Variants in TUB observed in about 807,000 individuals in gnomAD.
TUB encodes tubby protein homolog.
In TUB, 33 loss-of-function variants were observed where a neutral mutation model predicts 59.7. That is an observed-to-expected ratio of 0.55 (90% CI 0.42 to 0.74). The LOEUF is 0.74. Ranked by LOEUF, TUB falls within the 30% of genes least tolerant of loss-of-function variation. TUB has a pLI of 0.00. For synonymous variants in TUB, 293 were observed against 256.4 expected, an observed-to-expected ratio of 1.14 and a Z score of -1.36; for missense variants, 659 against 672.0, an observed-to-expected ratio of 0.98 and a Z score of 0.21.
chr11:8,095,875 T>G (rs529462528), intron 5 of TUB, among the ~76,000 whole-genome samples: 26 of 152,362 alleles, frequency 1.7e-4, no homozygotes, highest in African/African-American at 6.3e-4. Flanking sequence ...GCAGATTTCC[T>G]TTTCCTTTTG....
chr11:8,072,122 C>T (rs1943370846), intron 2 of TUB, among the ~76,000 whole-genome samples: 1 of 152,154 alleles, frequency 6.6e-6, no homozygotes, highest in Non-Finnish European at 1.5e-5. Flanking sequence ...GTGATCGGAC[C>T]AGGAGTCGGG....
intron 2 of TUB, among the ~76,000 whole-genome samples, chr11:8,049,299 G>T (rs930602382): frequency 2.0e-5 from 3 of 152,120 alleles, no homozygotes; most frequent in African/African-American, 4.8e-5. Context: ...AGACCCCATG[G>T]TGTGTCATCC....
At chr11:8,051,333 G>A (rs1942932334) in intron 2 of TUB, among the ~76,000 whole-genome samples, 2 of 152,050 alleles carry the variant, frequency 1.3e-5, no homozygotes, top group Non-Finnish European at 2.9e-5. Context: ...AAATATTATC[G>A]GGAAAATACT....
At chr11:8,085,886 G>A (rs939395970) in intron 1 of TUB, among the ~76,000 whole-genome samples, 1 of 152,212 alleles carries the variant, frequency 6.6e-6, no homozygotes, top group Non-Finnish European at 1.5e-5. Flanking sequence ...GTTGTCAATC[G>A]TGGATGACTG....
chr11:8,092,902 C>G (rs1295603522), intron 3 of TUB, among the ~76,000 whole-genome samples: 2 of 152,160 alleles, frequency 1.3e-5, no homozygotes, highest in African/African-American at 2.4e-5. Flanking sequence ...TGATACACAT[C>G]AGACCTCACA....
Position 8,081,304 on chromosome 11 carries a change from C to G in TUB, c.-207C>G. On this transcript the variant is annotated 5_prime_UTR_variant, in exon 1 of 12. Transcript: ENST00000299506. The stretch of plus-strand genomic sequence containing the variant: ...GACCCGCGCACTCCCGGAGCTTCGC[C>G]CATCTCGCCTCGCCGCGCCGCGCAG... 1.1e-5 allele frequency: 10 copies of G among 915,888 alleles called. No homozygotes were observed. Among genetic ancestry groups the G allele is most frequent in the Non-Finnish European group, 1.2e-5 (9 of 766,598 alleles). The allele number at this position is 915,888 out of a possible 1,614,324, so 56.7% of individuals were successfully genotyped here.
chr11:8,045,541 G>A (rs565536506), intron 2 of TUB, among the ~76,000 whole-genome samples: 8 of 152,184 alleles, frequency 5.3e-5, no homozygotes, highest in African/African-American at 1.4e-4. Context: ...CGGAATATCC[G>A]AAACCTGAAA....
At position 8,088,144 on chromosome 11, in the gene TUB, A is replaced by C. The variant is rs530343773; in HGVS notation, c.39-1466A>C. 4.6e-5 allele frequency among the ~76,000 whole-genome samples: 7 copies of C among 152,344 alleles called. No individual in the cohort carries two copies. In the East Asian group the frequency reaches 1.4e-3, roughly 29 times the overall value. Reference sequence around the variant, plus strand: ...CACAGCTGGGGCTCCTCTGACATGCAGAGCAGCTCGTGGGTACAAGGAAAG... The same window carrying C: ...CACAGCTGGGGCTCCTCTGACATGCCGAGCAGCTCGTGGGTACAAGGAAAG... On this transcript the variant is annotated intron_variant, in intron 1 of 11. Coordinates refer to ENST00000299506, the MANE Select transcript of TUB (RefSeq NM_177972.3).
intron 1 of TUB, among the ~76,000 whole-genome samples, chr11:8,087,800 G>A (rs1161902263): frequency 6.6e-6 from 1 of 152,246 alleles, no homozygotes; most frequent in South Asian, 2.1e-4. Context: ...CTCAGGCCTG[G>A]CAGGGCCCTC....
chr11:8,033,430 T>G lies in TUB; in HGVS notation c.56+14072T>G, dbSNP rs117456344. Among the ~76,000 whole-genome samples, 394 of 152,342 alleles carry G rather than the reference T, an allele frequency of 2.6e-3. 1 individual carries two copies. The highest frequency in any genetic ancestry group is 6.8e-3 in the Middle Eastern group (2 of 294). ...GCTGGCCTTTCGCCCAGTTTCAGCC[T>G]GAAGATTGTGGTCAGACACACTCTG... On this transcript the variant is annotated intron_variant, in intron 1 of 11. Transcript: ENST00000534099.
At chr11:8,083,740 T>TG (rs1337329859) in intron 1 of TUB, among the ~76,000 whole-genome samples, 1 of 151,962 alleles carries the variant, frequency 6.6e-6, no homozygotes, top group Non-Finnish European at 1.5e-5. Context: ...GCTTTCCCCA[T>TG]GCCTGTCACT....
At position 8,031,893 on chromosome 11, in the gene TUB, GC is replaced by G. The variant is rs201061144; in HGVS notation, c.56+12541del. ...GGTCCCGGTGCAGGGTTACTCCCCC[GC>G]CCCCCTCGGGCCACTTCGCCTTCCG... On this transcript the variant is annotated intron_variant, in intron 1 of 11. Coordinates refer to the TUB transcript ENST00000534099. Among the ~76,000 whole-genome samples the G allele has an allele frequency of 2.7e-3, 417 of 152,176 alleles. 8 individuals carry two copies. In the East Asian group the frequency reaches 0.05, roughly 18 times the overall value.
intron 2 of TUB, among the ~76,000 whole-genome samples, chr11:8,056,012 T>A (rs1180776734): frequency 6.6e-6 from 1 of 152,158 alleles, no homozygotes; most frequent in African/African-American, 2.4e-5. Context: ...CAGAAGCAGA[T>A]GGGTGTCCTT....
At chr11:8,082,832 A>C (rs1011269551) in intron 1 of TUB, among the ~76,000 whole-genome samples, 1 of 152,088 alleles carries the variant, frequency 6.6e-6, no homozygotes, top group South Asian at 2.1e-4. Flanking sequence ...GTTACCTCTA[A>C]TCTCAGCTCC....
chr11:8,081,008 C>G (rs1464920913), upstream of TUB, among the ~76,000 whole-genome samples: 7 of 152,340 alleles, frequency 4.6e-5, no homozygotes, highest in East Asian at 1.4e-3. Context: ...GCTGGGAGGC[C>G]TGGGGACTGG....
chr11:8,038,242 G>A (rs1336674596), upstream of TUB, among the ~76,000 whole-genome samples: 4 of 152,168 alleles, frequency 2.6e-5, no homozygotes, highest in African/African-American at 9.7e-5. Flanking sequence ...AAGAGGGCTG[G>A]GTCCACAATG....
intron 1 of TUB, among the ~76,000 whole-genome samples, chr11:8,020,752 C>T (rs1394408274): frequency 6.6e-6 from 1 of 152,192 alleles, no homozygotes; most frequent in Non-Finnish European, 1.5e-5. Context: ...AAAAGTGGTG[C>T]TCTCCACGGA....
At chr11:8,042,415 A>G (rs1942767144) in intron 2 of TUB, among the ~76,000 whole-genome samples, 1 of 152,292 alleles carries the variant, frequency 6.6e-6, no homozygotes, top group East Asian at 1.9e-4. Context: ...TTTAGCTATT[A>G]TAAATAATGC....
chr11:8,097,097 G>A (rs1428393696), intron 6 of TUB, 131 bp from the exon 7 acceptor site: 2 of 1,028,826 alleles, frequency 1.9e-6, no homozygotes, highest in African/African-American at 1.6e-5. Flanking sequence ...GGCCCAGGCT[G>A]GCCAGGCCCC....
Sources: gnomAD v4.1 joint callset for allele counts (sites outside exome capture counted in the v4.1 genomes callset) on GRCh38, gnomAD v4.1.1 for gene constraint, MANE v1.5 for transcripts, NCBI Gene and HGNC (gene_info 2026-07-23, HGNC 2026-07-21) for gene names.